DAP: variants seen among roughly 807,000 people sequenced by gnomAD.
DAP encodes the protein death associated protein.
Under a neutral mutation model 13.8 loss-of-function variants are expected in DAP, and 8 were observed. The ratio of observed to expected loss-of-function variants is 0.58; its 90% CI spans 0.34 to 1.05. The LOEUF (loss-of-function observed/expected upper bound fraction) is 1.05. Among genes scored for constraint, DAP ranks in the 50% least tolerant of loss-of-function variants. DAP has a pLI of 0.03. For synonymous variants in DAP, 47 were observed against 47.5 expected, an observed-to-expected ratio of 0.99 and a Z score of 0.04; for missense variants, 106 against 133.2, an observed-to-expected ratio of 0.80 and a Z score of 1.01.
At chr5:10,732,108 T>A (rs1428892541) in intron 2 of DAP, among the ~76,000 whole-genome samples, 1 of 152,238 alleles carries the variant, frequency 6.6e-6, no homozygotes, top group Non-Finnish European at 1.5e-5. Flanking sequence ...GCTTCCGCTT[T>A]CTCAGTGATG....
intron 2 of DAP, among the ~76,000 whole-genome samples, chr5:10,744,044 T>C (rs1739837154): frequency 6.6e-6 from 1 of 152,226 alleles, no homozygotes; most frequent in African/African-American, 2.4e-5. Flanking sequence ...GGCTTTTTTT[T>C]TCCTGTCAAC....
At chr5:10,739,573 C>T (rs1410550307) in intron 2 of DAP, among the ~76,000 whole-genome samples, 3 of 152,076 alleles carry the variant, frequency 2.0e-5, no homozygotes, top group Non-Finnish European at 4.4e-5. Context: ...CTGAAAGGCT[C>T]TCGCCCACAA....
chr5:10,696,181 G>A (rs539686916), intron 2 of DAP, among the ~76,000 whole-genome samples: 1 of 152,334 alleles, frequency 6.6e-6, no homozygotes, highest in South Asian at 2.1e-4. Flanking sequence ...ACAACAGGAA[G>A]TGTTAATTAC....
At chr5:10,687,828 T>C (rs533834770) in intron 2 of DAP, among the ~76,000 whole-genome samples, 5 of 152,286 alleles carry the variant, frequency 3.3e-5, no homozygotes, top group Non-Finnish European at 5.9e-5. Flanking sequence ...TCAAACAACA[T>C]TGTATGCTGC....
chr5:10,756,314 GGA>G (rs1740180877), intron 1 of DAP, among the ~76,000 whole-genome samples: 1 of 143,874 alleles, frequency 7.0e-6, no homozygotes, highest in Admixed American at 6.9e-5. Context: ...GTTGACACTG[GGA>G]CTATGCTTAG....
At chr5:10,712,015 GA>G (rs895822444) in intron 2 of DAP, among the ~76,000 whole-genome samples, 2 of 152,142 alleles carry the variant, frequency 1.3e-5, no homozygotes, top group Non-Finnish European at 2.9e-5. Context: ...CTAACTCCCA[GA>G]ATCTCTGAGT....
intron 2 of DAP, among the ~76,000 whole-genome samples, chr5:10,718,420 T>C (rs1298885522): frequency 2.6e-5 from 4 of 152,152 alleles, no homozygotes; most frequent in Non-Finnish European, 5.9e-5. Flanking sequence ...TGAGGGCTAT[T>C]ATGGTGGGAA....
intron 2 of DAP, among the ~76,000 whole-genome samples, chr5:10,694,954 G>T (rs1330745381): frequency 1.3e-5 from 2 of 152,202 alleles, no homozygotes; most frequent in Non-Finnish European, 2.9e-5. Flanking sequence ...TATATTCCCA[G>T]CTGGGGTGAC....
chr5:10,727,649 G>T (rs1049142340), intron 2 of DAP, among the ~76,000 whole-genome samples: 1 of 152,204 alleles, frequency 6.6e-6, no homozygotes, highest in Admixed American at 6.5e-5. Flanking sequence ...TAACAAGATG[G>T]AAAGGGGAGC....
intron 2 of DAP, among the ~76,000 whole-genome samples, chr5:10,701,691 C>T (rs1738581300): frequency 6.6e-6 from 1 of 152,186 alleles, no homozygotes; most frequent in Non-Finnish European, 1.5e-5. Context: ...TTCAGGGCAG[C>T]AAATTAGGCC....
intron 2 of DAP, among the ~76,000 whole-genome samples, chr5:10,742,067 A>G (rs562049635): frequency 1.1e-4 from 17 of 152,234 alleles, no homozygotes; most frequent in African/African-American, 3.9e-4. Context: ...GATCTTGTCT[A>G]TAACAATTAC....
chr5:10,709,153 G>T (rs1387376910), intron 2 of DAP, among the ~76,000 whole-genome samples: 1 of 152,196 alleles, frequency 6.6e-6, no homozygotes, highest in Non-Finnish European at 1.5e-5. Context: ...TAATAATCTG[G>T]ATTTTTAAAA....
intron 2 of DAP, among the ~76,000 whole-genome samples, chr5:10,687,791 A>G (rs1446676623): frequency 1.3e-5 from 2 of 152,226 alleles, no homozygotes; most frequent in African/African-American, 4.8e-5. Flanking sequence ...CATTTTTGAA[A>G]GAAGTTCTAC....
intron 2 of DAP, among the ~76,000 whole-genome samples, chr5:10,701,509 G>C (rs577050573): frequency 6.8e-6 from 1 of 148,114 alleles, no homozygotes; most frequent in South Asian, 2.1e-4. Context: ...GTGCATTGTA[G>C]TTTCCAATAA....
At chr5:10,742,231 T>G (rs905494032) in intron 2 of DAP, among the ~76,000 whole-genome samples, 8 of 152,234 alleles carry the variant, frequency 5.3e-5, no homozygotes, top group Non-Finnish European at 1.2e-4. Context: ...TTTTACCGTA[T>G]GGGTTAAAAT....
In DAP at chr5:10,707,899, C is replaced by T. The variant is rs887172225; in HGVS notation, c.153-24328G>A. Among the ~76,000 whole-genome samples the T allele has an allele frequency of 6.6e-6, 1 of 152,098 alleles. No individual in the cohort carries two copies. Among genetic ancestry groups the T allele is most frequent in the African/African-American group, 2.4e-5 (1 of 41,390 alleles). On this transcript the variant is annotated intron_variant, in intron 2 of 3. Coordinates refer to ENST00000230895, the MANE Select transcript of DAP (RefSeq NM_004394.3). The surrounding 1 kb of genome is among the most constrained non-coding windows in gnomAD (Gnocchi z 4.0). ...GAATCACATTAATTTGGTGCCTCAC[C>T]CCATGCTGTCGCTACCTCCAAGTGG...
At chr5:10,713,927 A>T (rs867806880) in intron 2 of DAP, among the ~76,000 whole-genome samples, 1 of 152,240 alleles carries the variant, frequency 6.6e-6, no homozygotes, top group Non-Finnish European at 1.5e-5. Flanking sequence ...ATATTTGACA[A>T]TGAAAAGGGT....
chr5:10,727,071 C>T (rs1431747871), intron 2 of DAP, among the ~76,000 whole-genome samples: 1 of 152,208 alleles, frequency 6.6e-6, no homozygotes, highest in East Asian at 1.9e-4. Flanking sequence ...GGAAGGGAAA[C>T]TTCTGTAAGC....
intron 2 of DAP, among the ~76,000 whole-genome samples, chr5:10,708,491 C>T (rs1738759970): frequency 1.3e-5 from 2 of 151,952 alleles, no homozygotes; most frequent in Admixed American, 1.3e-4. Flanking sequence ...ACAAACAATT[C>T]TGCCCCTTGT....
Sources: allele counts gnomAD v4.1 joint callset (sites outside exome capture counted in the v4.1 genomes callset), GRCh38; gene constraint gnomAD v4.1.1; non-coding constraint Gnocchi (gnomAD v3.1); transcripts MANE v1.5; gene names NCBI Gene and HGNC (gene_info 2026-07-23, HGNC 2026-07-21).